RASAL3: variants seen among roughly 807,000 people sequenced by gnomAD.
The protein encoded by RASAL3 is RAS protein activator like-3.
RASAL3 carries 74 observed loss-of-function variants against 105.5 expected under a neutral mutation model. That is an observed-to-expected ratio of 0.70 (90% confidence interval 0.58 to 0.85). RASAL3 has a LOEUF of 0.85. RASAL3 is among the 40% of genes least tolerant of loss of function. The pLI is 0.00. For synonymous variants in RASAL3, 579 were observed against 591.6 expected, an observed-to-expected ratio of 0.98 and a Z score of 0.31; for missense variants, 1,352 against 1,392.0, an observed-to-expected ratio of 0.97 and a Z score of 0.46.
rs900656380 is a variant in RASAL3 at position 15,457,450 on chromosome 19, G to C, written c.1273C>G (p.Arg425Gly). 13 of 1,406,528 alleles carry C rather than the reference G, an allele frequency of 9.2e-6. No homozygotes were observed. The highest frequency in any genetic ancestry group is 1.2e-5 in the Non-Finnish European group (13 of 1,081,624). The allele number at this position is 1,406,528 out of a possible 1,614,324, so 87.1% of individuals were successfully genotyped here. ...TTGTAGCGCTCGGACGGCAGCACGC[G>C]CAGGCGACGCGCCCGAATCCGCGCC... The part of the protein sequence containing the change: ...LRARIRARRL[R>G]VLPSERYKEL... Residue 425 changes from arginine (R) to glycine (G), a missense_variant, in exon 9 of 18, where the codon CGC (arginine) becomes GGC (glycine). Arg to Gly is a moderately radical substitution (Grantham distance 125). This residue lies in a region of RASAL3 where 920 missense variants were observed against 919.6 expected (regional missense o/e 1.00). Coordinates refer to ENST00000343625, the MANE Select transcript of RASAL3 (RefSeq NM_022904.3). This position sits in a 1 kb window ranked among gnomAD's most constrained non-coding sequence, Gnocchi z 8.6.
intron 8 of RASAL3, chr19:15,458,126 G>A (rs925490675): frequency 4.7e-6 from 3 of 638,154 alleles, no homozygotes; most frequent in African/African-American, 3.7e-5. Context: ...TATGGGGCCG[G>A]GAGTGGACAG....
chr19:15,457,987 C>T lies in RASAL3; in HGVS notation c.889-153G>A, dbSNP rs1970382163. 1 of 887,010 alleles carries T rather than the reference C, an allele frequency of 1.1e-6. No individual in the cohort carries two copies. The highest frequency in any genetic ancestry group is 1.7e-6 in the Non-Finnish European group (1 of 590,722). The allele number at this position is 887,010 out of a possible 1,614,324, so 54.9% of individuals were successfully genotyped here. On this transcript the variant is annotated intron_variant, in intron 8 of 17. Transcript: ENST00000343625. This position sits in a 1 kb window ranked among gnomAD's most constrained non-coding sequence, Gnocchi z 8.6. ...GGAAAGAAGTGGAGCCACGGGAGTC[C>T]GGAGGCGGTTACGCGGAAGTCTTCT...
chr19:15,456,858 G>C lies in RASAL3; in HGVS notation c.1432-212C>G. ...CCTTTCAGCGCTGAGGTGCAACCTG[G>C]GCCCCGCCCCTCACGCGTGATGCTC... On this transcript the variant is annotated intron_variant, in intron 9 of 17. Transcript: ENST00000343625. The surrounding 1 kb of genome is among the most constrained non-coding windows in gnomAD (Gnocchi z 4.4). The C allele has an allele frequency of 3.2e-6, 2 of 624,986 alleles. No homozygotes were observed. The highest frequency in any genetic ancestry group is 5.5e-6 in the Non-Finnish European group (2 of 363,022). 38.7% of individuals were successfully genotyped at this position (624,986 alleles called of 1,614,324 possible).
chr19:15,452,341 T>A (rs1440344436), intron 16 of RASAL3: 4 of 600,654 alleles, frequency 6.7e-6, no homozygotes, highest in African/African-American at 1.9e-5. Flanking sequence ...CAGTCCTGGG[T>A]GGGGTCGTGA....
intron 6 of RASAL3, 138 bp downstream of exon 6, chr19:15,460,065 T>TC (rs1970460713): frequency 1.4e-6 from 1 of 703,234 alleles, no homozygotes; most frequent in Non-Finnish European, 2.4e-6. Flanking sequence ...TCATTCAATG[T>TC]CCCCAGCATC....
Position 15,457,809 on chromosome 19 carries a change from C to A in RASAL3, c.914G>T (p.Trp305Leu), listed in dbSNP as rs1298735005. The A allele has an allele frequency of 1.9e-6, 3 of 1,548,928 alleles. No homozygotes were observed. The highest frequency in any genetic ancestry group is 2.6e-6 in the Non-Finnish European group (3 of 1,146,962). The change falls in exon 9 of 18, where the codon TGG becomes TTG. Residue 305 changes from tryptophan (W) to leucine (L), a missense_variant. Coordinates refer to ENST00000343625, the MANE Select transcript of RASAL3 (RefSeq NM_022904.3). The surrounding 1 kb of genome is among the most constrained non-coding windows in gnomAD (Gnocchi z 8.6). ...TQDNVEREET[W>L]LSVWVHEAKG... Reference sequence around the variant, plus strand: ...CGCTTCGTGCACCCACACGCTCAGCCATGTCTCTTCCCGCTCCACGTTGTC... The same window carrying A: ...CGCTTCGTGCACCCACACGCTCAGCAATGTCTCTTCCCGCTCCACGTTGTC...
chr19:15,452,685 TGCAGCTGGCCCC>T lies in RASAL3; in HGVS notation c.2789_2800del (p.Arg930_Leu933del), dbSNP rs1389886612. The T allele has an allele frequency of 6.4e-7, 1 of 1,550,880 alleles. No homozygotes were observed. Among genetic ancestry groups the T allele is most frequent in the African/African-American group, 1.4e-5 (1 of 72,982 alleles). On this transcript the variant is annotated inframe_deletion, in exon 16 of 18. Transcript: ENST00000343625. ...AGCACGGAGCCTGGAGTCCAGATCCTGCAGCTGGCCCCGCAGCTGCTCCTGCTGCTCCGTCAA... is the reference window on the plus strand; with the variant it reads ...AGCACGGAGCCTGGAGTCCAGATCCTGCAGCTGCTCCTGCTGCTCCGTCAA...
At chr19:15,452,335 C>T (rs1970176439) in intron 16 of RASAL3, 1 of 607,582 alleles carries the variant, frequency 1.6e-6, no homozygotes, top group Non-Finnish European at 2.9e-6. Flanking sequence ...TTTGGCCAGT[C>T]CTGGGTGGGG....
chr19:15,458,274 CG>C, intron 8 of RASAL3, 53 bp downstream of exon 8: 1 of 1,529,180 alleles, frequency 6.5e-7, no homozygotes, highest in East Asian at 2.4e-5. Flanking sequence ...GTGGAAGGGG[CG>C]GGCCAGGCCT....
chr19:15,457,241 G>C lies in RASAL3; in HGVS notation c.1431+51C>G. 1 of 1,232,124 alleles carries C rather than the reference G, an allele frequency of 8.1e-7. No homozygotes were observed. The highest frequency in any genetic ancestry group is 1.0e-6 in the Non-Finnish European group (1 of 982,870). The allele number at this position is 1,232,124 out of a possible 1,614,324, so 76.3% of individuals were successfully genotyped here. A position where few individuals can be genotyped will look rare whatever the true frequency, so the allele number is the denominator to read the frequency against. On this transcript the variant is annotated intron_variant, in intron 9 of 17. Transcript: ENST00000343625. This position sits in a 1 kb window ranked among gnomAD's most constrained non-coding sequence, Gnocchi z 8.6. ...GCGCCCCAACTCCTGCCCGAAGCGC[G>C]TTATCGGTCTACCCCTGGTAGCCCC...
intron 8 of RASAL3, chr19:15,458,111 G>A: frequency 1.6e-6 from 1 of 628,796 alleles, no homozygotes; most frequent in East Asian, 2.7e-5. Flanking sequence ...AGGGCTTTGG[G>A]TGCATATGGG....
At chr19:15,463,081 CTTTT>C (rs527514253) in intron 2 of RASAL3, among the ~76,000 whole-genome samples, 2 of 143,932 alleles carry the variant, frequency 1.4e-5, no homozygotes, top group Non-Finnish European at 3.1e-5. Context: ...TTTTTTCTTT[CTTTT>C]TTTTTTTTTT....
chr19:15,457,578 C>G lies in RASAL3; in HGVS notation c.1145G>C (p.Arg382Pro). 3.3e-6 allele frequency: 4 copies of G among 1,220,370 alleles called. No homozygotes were observed. The highest frequency in any genetic ancestry group is 4.1e-6 in the Non-Finnish European group (4 of 973,402). 75.6% of individuals were successfully genotyped at this position (1,220,370 alleles called of 1,614,324 possible). ...GLGPGSAVLGRVALALEELDA... is the reference protein window; with the variant it reads ...GLGPGSAVLGPVALALEELDA... ...CAGCTCCTCCAGCGCCAGGGCCACG[C>G]GGCCCAGCACCGCGCTTCCCGGGCC... The change falls in exon 9 of 18, where the codon CGC (arginine) becomes CCC (proline). Residue 382 changes from arginine to proline, a missense_variant. This residue lies in a region of RASAL3 where 920 missense variants were observed against 919.6 expected (regional missense o/e 1.00). Coordinates refer to ENST00000343625, the MANE Select transcript of RASAL3 (RefSeq NM_022904.3). The surrounding 1 kb of genome is among the most constrained non-coding windows in gnomAD (Gnocchi z 8.6).
Position 15,453,399 on chromosome 19 carries a change from C to T in RASAL3, c.2378G>A (p.Arg793His). Residue 793 changes from arginine (R) to histidine (H), a missense_variant, in exon 15 of 18, where the codon CGC becomes CAC. By Grantham distance (29) the Arg-to-His change is conservative. Transcript: ENST00000343625. This position sits in a 1 kb window ranked among gnomAD's most constrained non-coding sequence, Gnocchi z 4.2. ...SKSQSLRSVR[R>H]SESWARPRPD... ...CCGTGGCCGGGCCCAACTCTCTGAG[C>T]GGCGAACGCTGCGCAGAGACTGGCT... 4 of 1,489,092 alleles carry T rather than the reference C, an allele frequency of 2.7e-6. No individual in the cohort carries two copies. The highest frequency in any genetic ancestry group is 1.3e-5 in the South Asian group (1 of 75,746). The allele number at this position is 1,489,092 out of a possible 1,614,324, so 92.2% of individuals were successfully genotyped here.
rs779344192 is a variant in RASAL3, at chr19:15,458,591, C to T, written c.727G>A (p.Glu243Lys). ...ATLSELDLGA[E>K]RDVRIWPLHP... is the part of the protein sequence containing the mutation. ...AGTGGCCAGATCCGCACATCCCGCT[C>T]GGCACCCAGGTCCAGTTCAGAGAGT... The change falls in exon 7 of 18, where the codon GAG becomes AAG. Residue 243 changes from glutamate (E) to lysine (K), a missense_variant. Around this residue, in one of 3 missense-constraint regions of RASAL3, gnomAD observed 344 missense variants for 339.6 expected, o/e 1.01. Coordinates refer to ENST00000343625, the MANE Select transcript of RASAL3 (RefSeq NM_022904.3). The T allele has an allele frequency of 1.7e-5, 28 of 1,613,360 alleles. No individual in the cohort carries two copies. Among genetic ancestry groups the T allele is most frequent in the South Asian group, 4.4e-5 (4 of 90,974 alleles).
At chr19:15,458,118 TG>T in intron 8 of RASAL3, 1 of 630,226 alleles carries the variant, frequency 1.6e-6, no homozygotes, top group East Asian at 2.7e-5. Flanking sequence ...TGGGTGCATA[TG>T]GGGCCGGGAG....
At position 15,454,771 on chromosome 19, in the gene RASAL3, G is replaced by GGGCAC; in HGVS notation, c.1839_1843dup (p.Pro615ArgfsTer28). The stretch of plus-strand genomic sequence containing the variant: ...AAAGAGGCTGGGTGCCAGGATGGCA[G>GGGCAC]GGCACAGGAGCCGCAGGAAGAGGGA... On this transcript the variant is annotated frameshift_variant, in exon 12 of 18. Transcript: ENST00000343625. LOFTEE classifies it high-confidence loss of function. 1 of 1,603,934 alleles carries GGGCAC rather than the reference G, an allele frequency of 6.2e-7. No individual in the cohort carries two copies. Among genetic ancestry groups the GGGCAC allele is most frequent in the African/African-American group, 1.3e-5 (1 of 74,928 alleles).
In RASAL3 at chr19:15,461,503, C is replaced by T. The variant is rs186740871; in HGVS notation, c.433G>A (p.Gly145Arg). 6.5e-6 allele frequency: 10 copies of T among 1,546,964 alleles called. No individual in the cohort carries two copies. The South Asian group carries it at 1.1e-4, about 17-fold the overall frequency. ...TCTCCTCCAAGCAGCACCAGCTTCC[C>T]ATCAAGCAGGGTGAAGCCCCCAATG... ...WDIGGFTLLD[G>R]KLVLLGGEEE... Residue 145 changes from glycine to arginine, a missense_variant, in exon 3 of 18, where the codon GGG becomes AGG. Gly to Arg is a moderately radical substitution (Grantham distance 125). Transcript: ENST00000343625.
In RASAL3 at chr19:15,451,938, C is replaced by T. The variant is rs1348129339; in HGVS notation, c.2893G>A (p.Glu965Lys). The change falls in exon 18 of 18, where the codon GAG becomes AAG. Residue 965 changes from glutamate to lysine, a missense_variant and splice_region_variant. Coordinates refer to ENST00000343625, the MANE Select transcript of RASAL3 (RefSeq NM_022904.3). ...SNEGHSLKNL[E>K]HRLNEMERTQ... ...CTCTCCATCTCATTTAGGCGGTGCT[C>T]CTGGGGAGGCAGTGGTGATGGGGTT... 15 of 1,610,672 alleles carry T rather than the reference C, an allele frequency of 9.3e-6. No homozygotes were observed. Among genetic ancestry groups the T allele is most frequent in the Non-Finnish European group, 1.1e-5 (13 of 1,177,286 alleles).
Sources: allele counts gnomAD v4.1 joint callset (sites outside exome capture counted in the v4.1 genomes callset), GRCh38; gene constraint gnomAD v4.1.1; regional missense constraint gnomAD v4.1.1; non-coding constraint Gnocchi (gnomAD v3.1); transcripts MANE v1.5; gene names NCBI Gene and HGNC (gene_info 2026-07-23, HGNC 2026-07-21).